The following ST14 variants were observed in gnomAD, a reference collection of about 807,000 sequenced individuals.
ST14 encodes the protein ST14 transmembrane serine protease matriptase, also known as suppressor of tumorigenicity 14 protein.
In ST14, 40 loss-of-function variants were observed where a neutral mutation model predicts 96.5. The observed-to-expected ratio is 0.41, with a 90% CI of 0.32 to 0.54. ST14 has a LOEUF of 0.54. ST14 is among the 20% of genes least tolerant of loss of function. The pLI is 0.17. For missense variants in ST14, 1,066 were observed against 1,188.9 expected (o/e 0.90, Z 1.52); for synonymous variants, 506 against 492.1 (o/e 1.03, Z -0.37).
At chr11:130,203,447 G>A (rs1198600962) in intron 16 of ST14, among the ~76,000 whole-genome samples, 2 of 151,988 alleles carry the variant, frequency 1.3e-5, no homozygotes, top group Admixed American at 6.6e-5. Flanking sequence ...TGCACCACTC[G>A]AGCCCAGAGG....
rs202179387 is a variant in ST14, at chr11:130,194,651, C to G, written c.1027C>G (p.Arg343Gly). Residue 343 changes from arginine to glycine, a missense_variant, in exon 9 of 19, where the codon CGC (arginine) becomes GGC (glycine). Physicochemically the swap from Arg to Gly is moderately radical, Grantham distance 125. Transcript: ENST00000278742. The stretch of plus-strand genomic sequence containing the variant: ...ACCTTCCCTCTCAGGCTGTGGAGGC[C>G]GCTTACGTAAAGCCCAGGGGACATT... ...QLPRMSSCGG[R>G]LRKAQGTFNS... 1.9e-6 allele frequency: 3 copies of G among 1,614,052 alleles called. No individual in the cohort carries two copies. In the African/African-American group the frequency reaches 4.0e-5, roughly 22 times the overall value.
At chr11:130,160,514 T>G (rs1952991296) in intron 1 of ST14, among the ~76,000 whole-genome samples, 1 of 152,106 alleles carries the variant, frequency 6.6e-6, no homozygotes, top group African/African-American at 2.4e-5. Flanking sequence ...CAAAAGGCGC[T>G]TTGGGACCTC....
At chr11:130,209,287 C>T (rs1953521714) in intron 17 of ST14, among the ~76,000 whole-genome samples, 155 bp from the exon 18 acceptor site, 1 of 152,166 alleles carries the variant, frequency 6.6e-6, no homozygotes. Flanking sequence ...CTGCTATTGC[C>T]AGAGCCCACT....
Position 130,190,112 on chromosome 11 carries a change from GC to G in ST14, c.600del (p.Thr201ArgfsTer25). 1 of 1,614,216 alleles carries G rather than the reference GC, an allele frequency of 6.2e-7. No homozygotes were observed. ...SFVVTSVVAFPTDSKTVQRTQ... is the reference protein window; with the variant it reads ...SFVVTSVVAFXTDSKTVQRTQ... ...GCTTTATTCTCCTTCTTATTCTTCA[GC>G]CACGGACTCCAAAACAGTACAGAGG... On this transcript the variant is annotated frameshift_variant and splice_region_variant, in exon 6 of 19. Coordinates refer to ENST00000278742, the MANE Select transcript of ST14 (RefSeq NM_021978.4). LOFTEE classifies it high-confidence loss of function.
chr11:130,197,211 A>C (rs1953376112), intron 11 of ST14, among the ~76,000 whole-genome samples: 2 of 152,182 alleles, frequency 1.3e-5, no homozygotes, highest in South Asian at 4.1e-4. Context: ...CTTTAAGGTA[A>C]AATTCAAGGG....
chr11:130,186,613 G>C (rs958213229), intron 1 of ST14, among the ~76,000 whole-genome samples: 7 of 152,088 alleles, frequency 4.6e-5, no homozygotes, highest in African/African-American at 1.7e-4. Context: ...GAAAAACAAA[G>C]ACATATACAA....
chr11:130,178,388 C>T (rs1365504881), intron 1 of ST14, among the ~76,000 whole-genome samples: 1 of 90,566 alleles, frequency 1.1e-5, no homozygotes, highest in Non-Finnish European at 1.8e-5. Flanking sequence ...AAGTCCTGCT[C>T]TTTTTAAGAT....
intron 1 of ST14, among the ~76,000 whole-genome samples, chr11:130,167,864 G>A (rs1032818218): frequency 1.3e-5 from 2 of 152,112 alleles, no homozygotes; most frequent in South Asian, 2.1e-4. Flanking sequence ...ACAGGTGTGC[G>A]CCACTGCGCC....
At position 130,189,726 on chromosome 11, in the gene ST14, G is replaced by A. The variant is rs376393577; in HGVS notation, c.441-13G>A. ...GCCCAGAGCTCCGCCTCAGGCTCCC[G>A]CTCTCTCCCCAGCGAGGGCAGCGTC... On this transcript the variant is annotated splice_polypyrimidine_tract_variant and intron_variant, in intron 4 of 18. Coordinates refer to ENST00000278742, the MANE Select transcript of ST14 (RefSeq NM_021978.4). The A allele has an allele frequency of 1.9e-5, 30 of 1,609,710 alleles. No homozygotes were observed. Among genetic ancestry groups the A allele is most frequent in the Admixed American group, 3.3e-5 (2 of 60,006 alleles).
chr11:130,196,439 A>C lies in ST14; in HGVS notation c.1214A>C (p.Asn405Thr). 1 of 1,608,732 alleles carries C rather than the reference A, an allele frequency of 6.2e-7. No homozygotes were observed. Among genetic ancestry groups the C allele is most frequent in the Non-Finnish European group, 8.5e-7 (1 of 1,177,660 alleles). The change falls in exon 10 of 19, where the codon AAC (asparagine) becomes ACC (threonine). Residue 405 changes from asparagine to threonine, a missense_variant. Asn to Thr is a moderately conservative substitution (Grantham distance 65, BLOSUM62 0). Coordinates refer to ENST00000278742, the MANE Select transcript of ST14 (RefSeq NM_021978.4). Reference protein sequence around the residue: ...GTCPKDYVEINGEKYCGERSQ... With the variant: ...GTCPKDYVEITGEKYCGERSQ... ...TGCCCCAAGGACTACGTGGAGATCA[A>C]CGGGGAGAAGTGAGTCCCCGGGGGT...
intron 16 of ST14, among the ~76,000 whole-genome samples, chr11:130,206,196 G>A (rs1591897489): frequency 1.3e-5 from 2 of 152,278 alleles, no homozygotes; most frequent in Admixed American, 6.5e-5. Flanking sequence ...GGGTTTTCCC[G>A]ACTGTGTTTT....
chr11:130,182,652 CTT>C (rs766643910), intron 1 of ST14, among the ~76,000 whole-genome samples: 20 of 137,310 alleles, frequency 1.5e-4, no homozygotes, highest in East Asian at 2.1e-4. Context: ...TGTTAAATAT[CTT>C]TTTTTTTTTT....
chr11:130,203,011 C>T (rs1053283507), intron 16 of ST14, among the ~76,000 whole-genome samples: 6 of 152,176 alleles, frequency 3.9e-5, no homozygotes, highest in African/African-American at 1.4e-4. Context: ...TGCTGGTAGA[C>T]GTGCATGCCT....
rs771839036 is a variant in ST14 at position 130,196,561 on chromosome 11, C to CA, written c.1224-9_1224-8insA. ...TCCCTCCTCACCTTGTGCCCCGCCC[C>CA]CCCTCCAGATACTGCGGAGAGAGGT... On this transcript the variant is annotated splice_polypyrimidine_tract_variant and intron_variant, in intron 10 of 18. Coordinates refer to ENST00000278742, the MANE Select transcript of ST14 (RefSeq NM_021978.4). The CA allele has an allele frequency of 1.9e-6, 3 of 1,609,694 alleles. No individual in the cohort carries two copies. The highest frequency in any genetic ancestry group is 2.6e-6 in the Non-Finnish European group (3 of 1,176,332).
intron 1 of ST14, among the ~76,000 whole-genome samples, chr11:130,179,579 GCT>G (rs1415791930): frequency 6.6e-6 from 1 of 152,208 alleles, no homozygotes; most frequent in Non-Finnish European, 1.5e-5. Flanking sequence ...CTGACCGCCT[GCT>G]CTGTGCACAG....
At position 130,188,866 on chromosome 11, in the gene ST14, C is replaced by T. The variant is rs747846782; in HGVS notation, c.370-3C>T. Reference sequence around the variant, plus strand: ...CTCACCTTGAGTCTCTGCCCTTCCTCAGCTGAAGCTGCTGTACAGCGGAGT... The same window carrying T: ...CTCACCTTGAGTCTCTGCCCTTCCTTAGCTGAAGCTGCTGTACAGCGGAGT... On this transcript the variant is annotated splice_polypyrimidine_tract_variant and splice_region_variant and intron_variant, in intron 3 of 18. Transcript: ENST00000278742. The surrounding 1 kb of genome is among the most constrained non-coding windows in gnomAD (Gnocchi z 5.4). 41 of 1,612,712 alleles carry T rather than the reference C, an allele frequency of 2.5e-5. No homozygotes were observed. The East Asian group carries it at 4.0e-4, about 16-fold the overall frequency.
rs1288935533 is a variant in ST14, at chr11:130,209,913, A to T, written c.*90A>T. On this transcript the variant is annotated 3_prime_UTR_variant, in exon 19 of 19. Transcript: ENST00000278742. The stretch of plus-strand genomic sequence containing the variant: ...CTGCAGGCTGGAGACTGGACCGCTG[A>T]CTGCACCAGCGCCCCCAGAACATAC... 1 of 1,497,838 alleles carries T rather than the reference A, an allele frequency of 6.7e-7. No individual in the cohort carries two copies. The highest frequency in any genetic ancestry group is 2.3e-5 in the East Asian group (1 of 44,052). 92.8% of individuals were successfully genotyped at this position (1,497,838 alleles called of 1,614,324 possible).
chr11:130,170,423 G>C (rs1195569618), intron 1 of ST14, among the ~76,000 whole-genome samples: 1 of 152,080 alleles, frequency 6.6e-6, no homozygotes, highest in African/African-American at 2.4e-5. Context: ...GAGGGAGAGA[G>C]GCAGTAGGAA....
chr11:130,206,004 G>A (rs1953483072), intron 16 of ST14, among the ~76,000 whole-genome samples: 1 of 152,090 alleles, frequency 6.6e-6, no homozygotes, highest in Admixed American at 6.5e-5. Context: ...GCCTTCTTCG[G>A]AGCTTTTTAA....
Sources: allele counts gnomAD v4.1 joint callset (sites outside exome capture counted in the v4.1 genomes callset), GRCh38; gene constraint gnomAD v4.1.1; non-coding constraint Gnocchi (gnomAD v3.1); transcripts MANE v1.5; gene names NCBI Gene and HGNC (gene_info 2026-07-23, HGNC 2026-07-21).